Variants in NMNAT2 observed in about 807,000 individuals in gnomAD.
The protein encoded by NMNAT2 is nicotinamide/nicotinic acid mononucleotide adenylyltransferase 2.
NMNAT2 carries 11 observed loss-of-function variants against 41.6 expected under a neutral mutation model. The observed-to-expected ratio is 0.26, with a 90% CI of 0.17 to 0.44. The LOEUF is 0.44. NMNAT2 is among the 20% of genes least tolerant of loss of function. The probability of loss-of-function intolerance (pLI) is 1.00; values close to 1 mark genes in which losing one functional copy is unlikely to be tolerated. For synonymous variants in NMNAT2, 148 were observed against 151.2 expected (o/e 0.98, Z 0.16); for missense variants, 288 against 407.7 (o/e 0.71, Z 2.53).
At chr1:183,323,687 T>A (rs1435717501) in intron 1 of NMNAT2, among the ~76,000 whole-genome samples, 5 of 152,174 alleles carry the variant, frequency 3.3e-5, no homozygotes. Flanking sequence ...GTGAGCTGAT[T>A]TAGGCAGGAT....
chr1:183,365,626 C>T (rs1663397255), intron 1 of NMNAT2, among the ~76,000 whole-genome samples: 1 of 151,850 alleles, frequency 6.6e-6, no homozygotes, highest in Non-Finnish European at 1.5e-5. Flanking sequence ...GGCATGGTGG[C>T]GTGCACCTAG....
At chr1:183,319,670 C>T (rs1260499974) in intron 1 of NMNAT2, among the ~76,000 whole-genome samples, 3 of 152,202 alleles carry the variant, frequency 2.0e-5, no homozygotes, top group Non-Finnish European at 4.4e-5. Context: ...CTCTTCCCCT[C>T]TCTCTTTCTC....
intron 1 of NMNAT2, among the ~76,000 whole-genome samples, chr1:183,300,864 A>G (rs934939432): frequency 1.3e-5 from 2 of 152,140 alleles, no homozygotes; most frequent in Non-Finnish European, 2.9e-5. Context: ...GGTTTGTTAC[A>G]TTGTGGGTTG....
intron 1 of NMNAT2, among the ~76,000 whole-genome samples, chr1:183,387,111 T>C (rs1648269614): frequency 6.6e-6 from 1 of 151,136 alleles, no homozygotes; most frequent in South Asian, 2.1e-4. Context: ...TTAGTTTATA[T>C]TTATAAATTA....
intron 8 of NMNAT2, 141 bp from the exon 9 acceptor site, chr1:183,261,444 C>A: frequency 1.4e-6 from 1 of 707,334 alleles, no homozygotes; most frequent in Non-Finnish European, 2.5e-6. Flanking sequence ...TCTTCTCAGC[C>A]CCATCAGCCA....
At position 183,350,875 on chromosome 1, in the gene NMNAT2, T is replaced by C. The variant is rs1252058600; in HGVS notation, c.86-57082A>G. ...ACCTTACCTAAGATCACAAAGTTAT[T>C]GAGATAGCTGGGATTTGCTCCACGA... On this transcript the variant is annotated intron_variant, in intron 1 of 10. Coordinates refer to ENST00000287713, the MANE Select transcript of NMNAT2 (RefSeq NM_015039.4). Among the ~76,000 whole-genome samples the C allele has an allele frequency of 4.6e-5, 7 of 152,298 alleles. No individual in the cohort carries two copies. In the East Asian group the frequency reaches 1.2e-3, roughly 25 times the overall value.
intron 8 of NMNAT2, among the ~76,000 whole-genome samples, chr1:183,275,834 A>G (rs557893560): frequency 2.6e-4 from 40 of 152,122 alleles, no homozygotes; most frequent in Admixed American, 2.0e-3. Context: ...CACCACGCCC[A>G]GCTAATTTTT....
chr1:183,390,765 T>A, intron 1 of NMNAT2, among the ~76,000 whole-genome samples: 1 of 152,192 alleles, frequency 6.6e-6, no homozygotes, highest in Non-Finnish European at 1.5e-5. Flanking sequence ...ACTAATGATG[T>A]GATGGTGAAA....
In NMNAT2 at chr1:183,366,769, A is replaced by G. The variant is rs146548239; in HGVS notation, c.85+51414T>C. The stretch of plus-strand genomic sequence containing the variant: ...TATGCTAAGATGAGCAATCTGGAAC[A>G]CAGATGACAATTGCAGGAGGGAATG... On this transcript the variant is annotated intron_variant, in intron 1 of 10. Coordinates refer to ENST00000287713, the MANE Select transcript of NMNAT2 (RefSeq NM_015039.4). 2.2e-4 allele frequency among the ~76,000 whole-genome samples: 33 copies of G among 152,322 alleles called. No homozygotes were observed. In the East Asian group the frequency reaches 6.0e-3, roughly 28 times the overall value.
intron 1 of NMNAT2, among the ~76,000 whole-genome samples, chr1:183,297,383 CTTTTTTT>C (rs66514054): frequency 7.0e-6 from 1 of 143,460 alleles, no homozygotes; most frequent in Non-Finnish European, 1.5e-5. Context: ...GGAAGGAACC[CTTTTTTT>C]TTTTTTTTTG....
At chr1:183,327,777 A>C (rs1662500424) in intron 1 of NMNAT2, among the ~76,000 whole-genome samples, 1 of 152,208 alleles carries the variant, frequency 6.6e-6, no homozygotes, top group Non-Finnish European at 1.5e-5. Context: ...GAGAATTAGA[A>C]ATAAAAATAG....
intron 10 of NMNAT2, among the ~76,000 whole-genome samples, chr1:183,253,618 G>A (rs1322136418): frequency 6.6e-6 from 1 of 151,558 alleles, no homozygotes; most frequent in Non-Finnish European, 1.5e-5. Context: ...TGGTAATCAT[G>A]TTTTATTCTC....
chr1:183,254,362 C>T (rs1199317327), intron 10 of NMNAT2, among the ~76,000 whole-genome samples: 2 of 152,054 alleles, frequency 1.3e-5, no homozygotes, highest in African/African-American at 4.8e-5. Flanking sequence ...TTTTTATGCA[C>T]CTGTTAGCAA....
chr1:183,335,749 CTA>C (rs1368593056), intron 1 of NMNAT2, among the ~76,000 whole-genome samples: 1 of 152,134 alleles, frequency 6.6e-6, no homozygotes, highest in East Asian at 1.9e-4. Context: ...ATTATTTTTA[CTA>C]TATGTTTTGC....
At chr1:183,373,984 A>G (rs1663616144) in intron 1 of NMNAT2, among the ~76,000 whole-genome samples, 3 of 152,184 alleles carry the variant, frequency 2.0e-5, no homozygotes. Context: ...ATTATGTGTC[A>G]CTTTGCTAAA....
chr1:183,370,038 G>A (rs1450296878), intron 1 of NMNAT2, among the ~76,000 whole-genome samples: 1 of 152,036 alleles, frequency 6.6e-6, no homozygotes, highest in African/African-American at 2.4e-5. Flanking sequence ...TCCAAGGAGA[G>A]GAAAAAGGGC....
chr1:183,359,721 C>T (rs774661780), intron 1 of NMNAT2, among the ~76,000 whole-genome samples: 3 of 152,072 alleles, frequency 2.0e-5, no homozygotes, highest in Non-Finnish European at 4.4e-5. Context: ...TCTGGCTCAG[C>T]AGTGGGAGAG....
intron 1 of NMNAT2, among the ~76,000 whole-genome samples, chr1:183,417,193 C>A (rs908782340): frequency 1.3e-5 from 2 of 152,156 alleles, no homozygotes; most frequent in African/African-American, 4.8e-5. Flanking sequence ...ACCGGTGGCG[C>A]GAGACCTCCA....
At position 183,252,488 on chromosome 1, in the gene NMNAT2, T is replaced by G; in HGVS notation, c.*153A>C. On this transcript the variant is annotated 3_prime_UTR_variant, in exon 11 of 11. Transcript: ENST00000287713. Reference sequence around the variant, plus strand: ...GATGACTGTGGAATAGGGAATGCCATGGTTCTCTGCAGGTCCCCCACACTA... The same window carrying G: ...GATGACTGTGGAATAGGGAATGCCAGGGTTCTCTGCAGGTCCCCCACACTA... 4.3e-6 allele frequency: 2 copies of G among 465,178 alleles called. No individual in the cohort carries two copies. Among genetic ancestry groups the G allele is most frequent in the Middle Eastern group, 5.8e-4 (1 of 1,720 alleles). The allele number at this position is 465,178 out of a possible 1,614,324, so 28.8% of individuals were successfully genotyped here.
Sources: allele counts gnomAD v4.1 joint callset (sites outside exome capture counted in the v4.1 genomes callset), GRCh38; gene constraint gnomAD v4.1.1; transcripts MANE v1.5; gene names NCBI Gene and HGNC (gene_info 2026-07-23, HGNC 2026-07-21).